Variants in SP100 observed in about 807,000 individuals in gnomAD.
SP100 encodes the protein nuclear autoantigen Sp-100.
A neutral mutation model predicts 130.0 loss-of-function variants in SP100; 84 were observed. That is an observed-to-expected ratio of 0.65 (90% confidence interval 0.54 to 0.77). The LOEUF (loss-of-function observed/expected upper bound fraction) is 0.77, where lower values mean the gene tolerates loss of function less well. Among genes scored for constraint, SP100 ranks in the 30% least tolerant of loss-of-function variants. The pLI is 0.00. For synonymous variants in SP100, 331 were observed against 351.7 expected, an observed-to-expected ratio of 0.94 and a Z score of 0.66; for missense variants, 978 against 1,052.2, an observed-to-expected ratio of 0.93 and a Z score of 0.97.
At chr2:230,508,458 G>A (rs1223615309) in intron 23 of SP100, 1 of 155,738 alleles carries the variant, frequency 6.4e-6, no homozygotes, top group Non-Finnish European at 1.4e-5. Context: ...TGGGACTACA[G>A]GCGTGTGGCA....
At chr2:230,524,342 G>A (rs1320709920) in intron 24 of SP100, among the ~76,000 whole-genome samples, 11 of 136,224 alleles carry the variant, frequency 8.1e-5, no homozygotes, top group African/African-American at 2.7e-4. Context: ...GGCAACAAGA[G>A]TGAGATTCCA....
chr2:230,516,753 C>T (rs1690935519), intron 24 of SP100, among the ~76,000 whole-genome samples: 1 of 152,100 alleles, frequency 6.6e-6, no homozygotes, highest in African/African-American at 2.4e-5. Flanking sequence ...AAAACGGTAA[C>T]TGTGGATGTC....
intron 24 of SP100, among the ~76,000 whole-genome samples, chr2:230,534,714 T>C (rs568619433): frequency 2.6e-4 from 40 of 152,356 alleles, no homozygotes; most frequent in Middle Eastern, 3.4e-3. Flanking sequence ...GTTGTTAATA[T>C]GTGTTCCAGG....
chr2:230,445,677 A>C (rs2149910300), intron 4 of SP100, among the ~76,000 whole-genome samples: 1 of 152,316 alleles, frequency 6.6e-6, no homozygotes. Flanking sequence ...CCTGGGCACA[A>C]ATTTTGAGTC....
chr2:230,425,252 T>C (rs547600020), intron 2 of SP100, among the ~76,000 whole-genome samples: 9 of 152,290 alleles, frequency 5.9e-5, no homozygotes, highest in African/African-American at 1.9e-4. Flanking sequence ...CCAGAACTTA[T>C]CCATCTTATA....
intron 24 of SP100, among the ~76,000 whole-genome samples, chr2:230,535,235 G>A (rs1171521458): frequency 6.6e-6 from 1 of 152,028 alleles, no homozygotes; most frequent in Admixed American, 6.6e-5. Flanking sequence ...ACAGTCCATG[G>A]TTTGCTTCTT....
intron 9 of SP100, 21 bp from the exon 10 acceptor site, chr2:230,462,414 G>A: frequency 2.5e-6 from 4 of 1,601,388 alleles, no homozygotes; most frequent in Non-Finnish European, 3.4e-6. Flanking sequence ...GACTCTTAAT[G>A]GTTTTTGCTC....
chr2:230,433,357 T>A (rs1188026779), intron 2 of SP100, among the ~76,000 whole-genome samples: 2 of 152,210 alleles, frequency 1.3e-5, no homozygotes, highest in Non-Finnish European at 1.5e-5. Context: ...GTATTGATTT[T>A]TATATATATT....
intron 17 of SP100, among the ~76,000 whole-genome samples, chr2:230,489,801 A>G (rs1397897399): frequency 6.6e-6 from 1 of 152,088 alleles, no homozygotes; most frequent in Non-Finnish European, 1.5e-5. Flanking sequence ...CAGGTTGTTC[A>G]ATTTCCATGT....
At position 230,543,027 on chromosome 2, in the gene SP100, C is replaced by A; in HGVS notation, c.*81C>A. On this transcript the variant is annotated 3_prime_UTR_variant, in exon 29 of 29. Coordinates refer to ENST00000340126, the MANE Select transcript of SP100 (RefSeq NM_001080391.2). ...TGGTCCCACTAATCTGTGACTGCTC[C>A]TGTGGAAACTCCACATCACAATTCT... 1 of 707,246 alleles carries A rather than the reference C, an allele frequency of 1.4e-6. No individual in the cohort carries two copies. The highest frequency in any genetic ancestry group is 1.9e-5 in the South Asian group (1 of 52,856). The allele number at this position is 707,246 out of a possible 1,614,324, so 43.8% of individuals were successfully genotyped here.
chr2:230,501,971 C>T (rs2067058435), intron 19 of SP100, among the ~76,000 whole-genome samples: 1 of 151,944 alleles, frequency 6.6e-6, no homozygotes, highest in East Asian at 1.9e-4. Flanking sequence ...CGGATTCAAG[C>T]AATTCTCCTG....
intron 27 of SP100, 61 bp downstream of exon 27, chr2:230,541,433 C>T (rs181863427): frequency 2.5e-4 from 354 of 1,403,660 alleles, no homozygotes; most frequent in Non-Finnish European, 3.1e-4. Context: ...GATCTGAATC[C>T]CATGGCACAA....
chr2:230,469,068 T>G lies in SP100; in HGVS notation c.1317T>G (p.Ser439=). ...EKAPMTSRST[S]TWRIPSRKRR... is the part of the protein sequence containing the mutation. ...CTCCTATGACTTCTAGAAGTACATC[T>G]ACTTGGAGAATACCCAGCAGGAAGA... is the stretch of plus-strand genomic sequence containing the variant. The change falls in exon 14 of 29, where the codon TCT becomes TCG. Residue 439 remains serine, a synonymous_variant. Transcript: ENST00000340126. 1 of 1,598,580 alleles carries G rather than the reference T, an allele frequency of 6.3e-7. No homozygotes were observed. Among genetic ancestry groups the G allele is most frequent in the Non-Finnish European group, 8.6e-7 (1 of 1,167,894 alleles).
At chr2:230,539,170 G>T in intron 24 of SP100, 97 bp from the exon 25 acceptor site, 2 of 742,662 alleles carry the variant, frequency 2.7e-6, no homozygotes, top group East Asian at 2.5e-5. Flanking sequence ...TTTGAGGACA[G>T]AAATTTACAA....
intron 14 of SP100, 34 bp from the exon 15 acceptor site, chr2:230,469,981 T>G (rs1575678632): frequency 6.3e-7 from 1 of 1,595,842 alleles, no homozygotes; most frequent in Non-Finnish European, 8.6e-7. Flanking sequence ...AGACTCAGAC[T>G]AAGACTGTTA....
chr2:230,456,311 CTTCTT>C (rs2064273465), intron 8 of SP100, among the ~76,000 whole-genome samples: 2 of 152,118 alleles, frequency 1.3e-5, no homozygotes, highest in Non-Finnish European at 1.5e-5. Flanking sequence ...ATGTTAGTTG[CTTCTT>C]TTCTTTTGTT....
chr2:230,536,589 T>G (rs190803301), intron 24 of SP100, among the ~76,000 whole-genome samples: 2 of 152,226 alleles, frequency 1.3e-5, no homozygotes, highest in African/African-American at 4.8e-5. Context: ...GCCTAACCAA[T>G]AATCTCCTTC....
rs559648766 is a variant in SP100, at chr2:230,492,734, G to A, written c.1601-1682G>A. Among the ~76,000 whole-genome samples the A allele has an allele frequency of 2.0e-5, 3 of 152,200 alleles. No homozygotes were observed. In the South Asian group the frequency reaches 6.2e-4, roughly 32 times the overall value. ...GCCAGAATTTTTCAGTTCTACCTTA[G>A]TTTGCTGAAGTATATCTTCTAGTAA... On this transcript the variant is annotated intron_variant, in intron 17 of 28. Transcript: ENST00000340126.
chr2:230,472,864 T>A (rs1037124672), intron 15 of SP100, among the ~76,000 whole-genome samples: 2 of 152,184 alleles, frequency 1.3e-5, no homozygotes, highest in Non-Finnish European at 2.9e-5. Flanking sequence ...CATCCACTCC[T>A]GTGATTTCAG....
Sources: allele counts gnomAD v4.1 joint callset (sites outside exome capture counted in the v4.1 genomes callset), GRCh38; gene constraint gnomAD v4.1.1; transcripts MANE v1.5; gene names NCBI Gene and HGNC (gene_info 2026-07-23, HGNC 2026-07-21).